The following SIPA1L1 variants were observed in gnomAD, a reference collection of about 807,000 sequenced individuals.
SIPA1L1 encodes signal induced proliferation associated 1 like 1.
In SIPA1L1, 26 loss-of-function variants were observed where a neutral mutation model predicts 162.7. The observed-to-expected ratio is 0.16, with a 90% CI of 0.12 to 0.22. SIPA1L1 has a LOEUF of 0.22. Ranked by LOEUF, SIPA1L1 falls within the 10% of genes least tolerant of loss-of-function variation. SIPA1L1 has a pLI of 1.00. For missense variants in SIPA1L1, 1,874 were observed against 2,241.0 expected, an observed-to-expected ratio of 0.84 and a Z score of 3.31; for synonymous variants, 829 against 837.4, an observed-to-expected ratio of 0.99 and a Z score of 0.17.
intron 4 of SIPA1L1, among the ~76,000 whole-genome samples, chr14:71,569,999 G>A (rs2031646164): frequency 6.6e-6 from 1 of 152,164 alleles, no homozygotes; most frequent in Non-Finnish European, 1.5e-5. Context: ...TAACATTGTG[G>A]CATTTTTAGC....
intron 2 of SIPA1L1, among the ~76,000 whole-genome samples, chr14:71,373,877 G>A: frequency 6.6e-6 from 1 of 151,990 alleles, no homozygotes. Flanking sequence ...ACCAGCCTGG[G>A]TAACATAATG....
chr14:71,646,500 A>G (rs928293236), intron 7 of SIPA1L1, among the ~76,000 whole-genome samples: 1 of 152,180 alleles, frequency 6.6e-6, no homozygotes, highest in African/African-American at 2.4e-5. Context: ...TAAAGTGCCT[A>G]TTGTATGAGA....
At chr14:71,640,749 C>T (rs929309932) in intron 7 of SIPA1L1, among the ~76,000 whole-genome samples, 3 of 152,160 alleles carry the variant, frequency 2.0e-5, no homozygotes, top group Non-Finnish European at 4.4e-5. Context: ...CTCAGCCTCC[C>T]GCAGAGCTGG....
chr14:71,622,505 G>T (rs755306947), intron 6 of SIPA1L1, among the ~76,000 whole-genome samples: 5 of 152,144 alleles, frequency 3.3e-5, no homozygotes, highest in Admixed American at 6.6e-5. Flanking sequence ...CTTCTAAGTT[G>T]AGAACACCCC....
chr14:71,730,925 A>G (rs1451983616), intron 20 of SIPA1L1, among the ~76,000 whole-genome samples: 1 of 151,976 alleles, frequency 6.6e-6, no homozygotes, highest in African/African-American at 2.4e-5. Context: ...CGGGATTTAA[A>G]TTTGGTTTTT....
intron 4 of SIPA1L1, among the ~76,000 whole-genome samples, chr14:71,578,824 T>G (rs1253880965): frequency 6.6e-6 from 1 of 152,214 alleles, no homozygotes; most frequent in Non-Finnish European, 1.5e-5. Context: ...GGGAGCACTT[T>G]TACCATCACT....
intron 16 of SIPA1L1, 87 bp downstream of exon 16, chr14:71,705,427 C>A: frequency 1.0e-6 from 1 of 978,178 alleles, no homozygotes; most frequent in Non-Finnish European, 1.6e-6. Flanking sequence ...CTTTCCTCTG[C>A]ATGGCCAAAG....
At chr14:71,331,980 A>G (rs1278031396) in intron 2 of SIPA1L1, among the ~76,000 whole-genome samples, 1 of 152,228 alleles carries the variant, frequency 6.6e-6, no homozygotes, top group Non-Finnish European at 1.5e-5. Context: ...CTACTTAAGA[A>G]ATATTTTCTC....
At chr14:71,350,000 A>C (rs892351582) in intron 2 of SIPA1L1, among the ~76,000 whole-genome samples, 3 of 152,144 alleles carry the variant, frequency 2.0e-5, no homozygotes, top group Admixed American at 6.5e-5. Context: ...CTAAGGGAAA[A>C]TAGAGTAGGG....
intron 15 of SIPA1L1, among the ~76,000 whole-genome samples, chr14:71,703,527 T>C (rs1473133784): frequency 6.6e-6 from 1 of 152,210 alleles, no homozygotes; most frequent in Non-Finnish European, 1.5e-5. Context: ...TGCCTTGTTA[T>C]TGAAGCCATC....
In SIPA1L1 at chr14:71,358,001, G is replaced by C. The variant is rs75676987; in HGVS notation, c.-465+36820G>C. 8.2e-4 allele frequency among the ~76,000 whole-genome samples: 125 copies of C among 152,204 alleles called. 2 individuals are homozygous for C. The East Asian group carries it at 0.023, about 28-fold the overall frequency. ...TCCACCTTGGCCTCCCAAAGTACTGGGCCATAAGCCAGTGTGCCTGGCCTC... is the reference window on the plus strand; with the variant it reads ...TCCACCTTGGCCTCCCAAAGTACTGCGCCATAAGCCAGTGTGCCTGGCCTC... On this transcript the variant is annotated intron_variant, in intron 2 of 23. Transcript: ENST00000381232.
intron 7 of SIPA1L1, among the ~76,000 whole-genome samples, chr14:71,638,292 G>GA (rs1002088342): frequency 2.7e-5 from 4 of 150,940 alleles, no homozygotes; most frequent in East Asian, 3.9e-4. Flanking sequence ...AAAATTCCTT[G>GA]AAAAAAAAAT....
At chr14:71,411,988 T>G (rs189785556) in intron 2 of SIPA1L1, among the ~76,000 whole-genome samples, 1 of 152,382 alleles carries the variant, frequency 6.6e-6, no homozygotes, top group East Asian at 1.9e-4. Flanking sequence ...TTCATGTTCC[T>G]AAGTGGATTA....
chr14:71,553,546 G>C lies in SIPA1L1; in HGVS notation c.-303+24176G>C, dbSNP rs547167465. Among the ~76,000 whole-genome samples, 17 of 152,308 alleles carry C rather than the reference G, an allele frequency of 1.1e-4. No individual in the cohort carries two copies. The South Asian group carries it at 3.5e-3, about 32-fold the overall frequency. ...AATGTTTTAATTGGATGTCAAGATA[G>C]GAAAGGCATGTTTTTCAGAGCTTAT... On this transcript the variant is annotated intron_variant, in intron 4 of 23. Coordinates refer to ENST00000381232, the MANE Select transcript of SIPA1L1 (RefSeq NM_001386936.1).
chr14:71,464,303 A>G (rs1455908369), intron 2 of SIPA1L1, among the ~76,000 whole-genome samples: 1 of 152,134 alleles, frequency 6.6e-6, no homozygotes, highest in East Asian at 1.9e-4. Flanking sequence ...TAACCAAGCA[A>G]ATAAACTATT....
At chr14:71,548,837 G>T (rs2055494971) in intron 4 of SIPA1L1, among the ~76,000 whole-genome samples, 1 of 144,596 alleles carries the variant, frequency 6.9e-6, no homozygotes, top group African/African-American at 2.6e-5. Context: ...GGCAGAGGTT[G>T]CAATGAGCTG....
At chr14:71,550,790 T>C (rs762252944) in intron 4 of SIPA1L1, among the ~76,000 whole-genome samples, 5 of 152,096 alleles carry the variant, frequency 3.3e-5, no homozygotes, top group Non-Finnish European at 5.9e-5. Flanking sequence ...CAAAGAATTA[T>C]GAGCAATCCC....
At chr14:71,692,256 C>T (rs1424440796) in intron 13 of SIPA1L1, among the ~76,000 whole-genome samples, 1 of 152,124 alleles carries the variant, frequency 6.6e-6, no homozygotes, top group Non-Finnish European at 1.5e-5. Flanking sequence ...TAGCATTAAA[C>T]ATAGATATAA....
chr14:71,368,182 T>TC (rs1394545643), intron 2 of SIPA1L1, among the ~76,000 whole-genome samples: 1 of 146,818 alleles, frequency 6.8e-6, no homozygotes, highest in African/African-American at 2.5e-5. Flanking sequence ...TATTATACTT[T>TC]AAGTTTTAGG....
Sources: allele counts gnomAD v4.1 joint callset (sites outside exome capture counted in the v4.1 genomes callset), GRCh38; gene constraint gnomAD v4.1.1; transcripts MANE v1.5; gene names NCBI Gene and HGNC (gene_info 2026-07-23, HGNC 2026-07-21).